FNDC3B: variants seen among roughly 807,000 people sequenced by gnomAD.
FNDC3B encodes fibronectin type III domain containing 3B.
In FNDC3B, 12 loss-of-function variants were observed where a neutral mutation model predicts 151.5. The observed-to-expected ratio is 0.08, with a 90% CI of 0.05 to 0.13. FNDC3B has a LOEUF of 0.13. FNDC3B is among the 10% of genes least tolerant of loss of function. The pLI, the probability that FNDC3B is intolerant of heterozygous loss-of-function variation, is 1.00. For synonymous variants in FNDC3B, 528 were observed against 549.0 expected, an observed-to-expected ratio of 0.96 and a Z score of 0.54; for missense variants, 1,214 against 1,505.3, an observed-to-expected ratio of 0.81 and a Z score of 3.20.
At chr3:172,163,632 C>T (rs1207011744) in intron 3 of FNDC3B, among the ~76,000 whole-genome samples, 1 of 152,162 alleles carries the variant, frequency 6.6e-6, no homozygotes, top group African/African-American at 2.4e-5. Flanking sequence ...CTTAACATTT[C>T]AAAGATATTG....
At chr3:172,262,517 T>G (rs749936931) in intron 6 of FNDC3B, among the ~76,000 whole-genome samples, 19 of 152,206 alleles carry the variant, frequency 1.2e-4, no homozygotes, top group Non-Finnish European at 2.4e-4. Flanking sequence ...GGTATTAGGT[T>G]TTTTTGAATA....
chr3:172,117,610 G>A (rs1015957226), intron 2 of FNDC3B, among the ~76,000 whole-genome samples: 6 of 152,298 alleles, frequency 3.9e-5, no homozygotes, highest in African/African-American at 1.2e-4. Context: ...AATTTAACGT[G>A]ATACTTATAA....
At chr3:172,214,550 T>C (rs1725885203) in intron 3 of FNDC3B, among the ~76,000 whole-genome samples, 1 of 151,986 alleles carries the variant, frequency 6.6e-6, no homozygotes, top group South Asian at 2.1e-4. Context: ...CTCTGTTTTA[T>C]GGAATATTTG....
intron 1 of FNDC3B, among the ~76,000 whole-genome samples, chr3:172,076,847 T>G (rs1266670269): frequency 6.6e-6 from 1 of 152,162 alleles, no homozygotes; most frequent in Non-Finnish European, 1.5e-5. Context: ...TTTCCTGGGG[T>G]GACTTTGTCA....
chr3:172,278,446 C>G (rs1729541376), intron 6 of FNDC3B, among the ~76,000 whole-genome samples: 1 of 152,130 alleles, frequency 6.6e-6, no homozygotes, highest in African/African-American at 2.4e-5. Flanking sequence ...TTGAGCCTTC[C>G]CCCAAAACAC....
intron 3 of FNDC3B, among the ~76,000 whole-genome samples, chr3:172,143,307 C>G (rs1721722394): frequency 6.6e-6 from 1 of 152,002 alleles, no homozygotes; most frequent in South Asian, 2.1e-4. Flanking sequence ...CTGAAAAAGT[C>G]CAATATATGG....
chr3:172,256,024 A>G (rs1728320649), intron 6 of FNDC3B, among the ~76,000 whole-genome samples: 1 of 152,244 alleles, frequency 6.6e-6, no homozygotes, highest in Admixed American at 6.5e-5. Flanking sequence ...TTGTGACTAC[A>G]GTTAAATAGA....
chr3:172,341,545 C>T (rs925735321), intron 17 of FNDC3B, among the ~76,000 whole-genome samples: 2 of 152,082 alleles, frequency 1.3e-5, no homozygotes, highest in Admixed American at 6.5e-5. Context: ...AAGGAGACCT[C>T]GGTTATTGCA....
intron 11 of FNDC3B, among the ~76,000 whole-genome samples, chr3:172,326,020 T>G (rs1194608082): frequency 2.0e-5 from 3 of 152,108 alleles, no homozygotes; most frequent in African/African-American, 7.2e-5. Flanking sequence ...GAGACGGTGT[T>G]TCACCATGTT....
intron 1 of FNDC3B, among the ~76,000 whole-genome samples, chr3:172,101,110 C>T (rs1027579252): frequency 6.6e-6 from 1 of 152,088 alleles, no homozygotes; most frequent in Non-Finnish European, 1.5e-5. Context: ...TCTATACGAG[C>T]TGATTAAACA....
intron 14 of FNDC3B, among the ~76,000 whole-genome samples, chr3:172,334,722 G>C (rs1315248825): frequency 6.6e-6 from 1 of 152,190 alleles, no homozygotes; most frequent in Admixed American, 6.5e-5. Flanking sequence ...GATTACAGGC[G>C]TGAGCCACTG....
At chr3:172,388,703 C>A (rs1421012582) in intron 25 of FNDC3B, among the ~76,000 whole-genome samples, 1 of 152,118 alleles carries the variant, frequency 6.6e-6, no homozygotes, top group Non-Finnish European at 1.5e-5. Context: ...TGTCCGTGGC[C>A]ATGTCTGGAC....
intron 3 of FNDC3B, among the ~76,000 whole-genome samples, chr3:172,223,395 GT>G (rs1560025672): frequency 6.6e-6 from 1 of 152,200 alleles, no homozygotes; most frequent in Non-Finnish European, 1.5e-5. Flanking sequence ...CTTTGAAATA[GT>G]TTTGATGACA....
chr3:172,097,579 A>G (rs1719153929), intron 1 of FNDC3B, among the ~76,000 whole-genome samples: 1 of 152,246 alleles, frequency 6.6e-6, no homozygotes, highest in African/African-American at 2.4e-5. Flanking sequence ...ATTTTAAAAA[A>G]TATAGCAAGT....
At chr3:172,164,032 AGT>A (rs1309977635) in intron 3 of FNDC3B, among the ~76,000 whole-genome samples, 1 of 152,196 alleles carries the variant, frequency 6.6e-6, no homozygotes, top group African/African-American at 2.4e-5. Flanking sequence ...GTGCATTTGC[AGT>A]TATAGATTTT....
intron 1 of FNDC3B, among the ~76,000 whole-genome samples, chr3:172,046,005 G>A (rs1050149467): frequency 7.2e-5 from 11 of 152,070 alleles, no homozygotes; most frequent in Admixed American, 5.2e-4. Flanking sequence ...TCACCTGGAG[G>A]GGAGTTTGTT....
intron 22 of FNDC3B, among the ~76,000 whole-genome samples, chr3:172,355,463 G>A (rs1375489089): frequency 6.6e-6 from 1 of 152,104 alleles, no homozygotes; most frequent in Non-Finnish European, 1.5e-5. Context: ...CTGGGAACTC[G>A]ATAAAATGCA....
At chr3:172,068,255 A>AGTGAATGGGGAAGC (rs1308051446) in intron 1 of FNDC3B, among the ~76,000 whole-genome samples, 1 of 152,118 alleles carries the variant, frequency 6.6e-6, no homozygotes. Context: ...TGCTCTGCCG[A>AGTGAATGGGGAAGC]GTGAATGGGG....
chr3:172,275,176 G>C (rs143920322), intron 6 of FNDC3B, among the ~76,000 whole-genome samples: 1 of 152,112 alleles, frequency 6.6e-6, no homozygotes, highest in Non-Finnish European at 1.5e-5. Context: ...GTGGTTTATC[G>C]TCTGTAGAGT....
Sources: gnomAD v4.1 joint callset for allele counts (sites outside exome capture counted in the v4.1 genomes callset) on GRCh38, gnomAD v4.1.1 for gene constraint, MANE v1.5 for transcripts, NCBI Gene and HGNC (gene_info 2026-07-23, HGNC 2026-07-21) for gene names.